The following PRKAR1B variants were observed in gnomAD, a reference collection of about 807,000 sequenced individuals.
The protein encoded by PRKAR1B is cAMP-dependent protein kinase type I-beta regulatory subunit.
A neutral mutation model predicts 46.5 loss-of-function variants in PRKAR1B; 22 were observed. The ratio of observed to expected loss-of-function variants is 0.47; its 90% CI spans 0.34 to 0.68. The LOEUF (loss-of-function observed/expected upper bound fraction) is 0.68. Among genes scored for constraint, PRKAR1B ranks in the 30% least tolerant of loss-of-function variants. The pLI is 0.01. For missense variants in PRKAR1B, 445 were observed against 535.6 expected (o/e 0.83, Z 1.67); for synonymous variants, 259 against 217.7 (o/e 1.19, Z -1.67).
rs565089827 is a variant in PRKAR1B, at chr7:578,389, G to A, written c.891+867C>T. Among the ~76,000 whole-genome samples the A allele has an allele frequency of 9.2e-5, 14 of 152,296 alleles. No homozygotes were observed. The East Asian group carries it at 1.2e-3, about 13-fold the overall frequency. ...CTGTGGTGGGGCCGTGGCGTGAGAC[G>A]GCAAAAATGACTCACACACACATCC... On this transcript the variant is annotated intron_variant, in intron 9 of 10. Transcript: ENST00000537384.
intron 4 of PRKAR1B, among the ~76,000 whole-genome samples, chr7:655,731 G>A (rs935341788): frequency 1.3e-5 from 2 of 152,208 alleles, no homozygotes; most frequent in Non-Finnish European, 1.5e-5. Flanking sequence ...TTTGTTGAAT[G>A]AATGAGTGAG....
At chr7:585,905 C>T (rs961003855) in intron 7 of PRKAR1B, among the ~76,000 whole-genome samples, 6 of 130,326 alleles carry the variant, frequency 4.6e-5, no homozygotes, top group Admixed American at 8.2e-5. Flanking sequence ...TGCAAATTCC[C>T]GTAATGCCCT....
At chr7:712,477 G>GGCGA (rs959806466) in intron 1 of PRKAR1B, 15 of 147,658 alleles carry the variant, frequency 1.0e-4, no homozygotes, top group African/African-American at 2.9e-4. Context: ...GGGGACGGCT[G>GGCGA]GCGAGCGAGC....
intron 4 of PRKAR1B, among the ~76,000 whole-genome samples, chr7:656,354 T>C (rs559137999): frequency 2.0e-5 from 3 of 152,154 alleles, no homozygotes; most frequent in African/African-American, 7.2e-5. Flanking sequence ...GGTGAATGTA[T>C]GGATGCATGA....
chr7:672,263 G>A (rs538216663), intron 4 of PRKAR1B, among the ~76,000 whole-genome samples: 5 of 152,010 alleles, frequency 3.3e-5, no homozygotes, highest in South Asian at 2.1e-4. Context: ...CAATTCTCCC[G>A]CCTCAGTCTC....
intron 4 of PRKAR1B, among the ~76,000 whole-genome samples, chr7:673,795 C>T (rs1337212150): frequency 1.3e-5 from 2 of 152,204 alleles, no homozygotes; most frequent in African/African-American, 4.8e-5. Context: ...AGAAACGTAT[C>T]GTCTCTGCAG....
chr7:692,268 C>T (rs1005342579), intron 2 of PRKAR1B, among the ~76,000 whole-genome samples: 9 of 152,192 alleles, frequency 5.9e-5, no homozygotes, highest in South Asian at 2.1e-4. Context: ...CATGTGGTGG[C>T]GCACGCCTGT....
At position 666,482 on chromosome 7, in the gene PRKAR1B, C is replaced by G. The variant is rs796097646; in HGVS notation, c.440+10747G>C. On this transcript the variant is annotated intron_variant, in intron 4 of 10. Transcript: ENST00000537384. The surrounding 1 kb of genome is among the most constrained non-coding windows in gnomAD (Gnocchi z 4.9). The stretch of plus-strand genomic sequence containing the variant: ...CAAGGTGAGAAGGCTGCACCTACCA[C>G]CACCCTGGGGCCTGCCCTGGGAGCT... 6.6e-6 allele frequency among the ~76,000 whole-genome samples: 1 copy of G among 152,214 alleles called. No individual in the cohort carries two copies. Among genetic ancestry groups the G allele is most frequent in the East Asian group, 1.9e-4 (1 of 5,194 alleles).
At position 616,963 on chromosome 7, in the gene PRKAR1B, T is replaced by A. The variant is rs561976883; in HGVS notation, c.441-9511A>T. Among the ~76,000 whole-genome samples the A allele has an allele frequency of 2.0e-5, 3 of 151,768 alleles. No individual in the cohort carries two copies. The South Asian group carries it at 6.3e-4, about 32-fold the overall frequency. ...AAAGTTTGGGGTTTTCTTGTTTATT[T>A]TAAAATCTAAACCCCAACACCCAAG... On this transcript the variant is annotated intron_variant, in intron 4 of 10. Transcript: ENST00000537384.
intron 2 of PRKAR1B, among the ~76,000 whole-genome samples, chr7:687,405 T>C (rs989080763): frequency 6.6e-6 from 1 of 151,914 alleles, no homozygotes; most frequent in Non-Finnish European, 1.5e-5. Context: ...AATGCTAGAA[T>C]CAAAAAAACA....
chr7:633,014 G>A lies in PRKAR1B; in HGVS notation c.441-25562C>T, dbSNP rs182415726. ...CAGAGGGAAGCCAGGCGCGCGGGTC[G>A]TAGTGAGATCAGCTAGATGGAGTCA... On this transcript the variant is annotated intron_variant, in intron 4 of 10. Transcript: ENST00000537384. Among the ~76,000 whole-genome samples the A allele has an allele frequency of 2.2e-3, 332 of 152,358 alleles. 1 individual carries two copies. Among genetic ancestry groups the A allele is most frequent in the African/African-American group, 7.6e-3 (316 of 41,588 alleles).
At chr7:677,660 C>A (rs1778412278) in intron 3 of PRKAR1B, among the ~76,000 whole-genome samples, 1 of 152,108 alleles carries the variant, frequency 6.6e-6, no homozygotes, top group African/African-American at 2.4e-5. Context: ...CATCTCAGCT[C>A]AAGCAATCCT....
intron 4 of PRKAR1B, among the ~76,000 whole-genome samples, chr7:648,215 T>C (rs777136513): frequency 6.6e-6 from 1 of 152,158 alleles, no homozygotes; most frequent in Non-Finnish European, 1.5e-5. Context: ...ATCTATAATG[T>C]TTCATTACAA....
chr7:569,131 T>A (rs1299283475), intron 9 of PRKAR1B, among the ~76,000 whole-genome samples: 1 of 151,208 alleles, frequency 6.6e-6, no homozygotes, highest in Middle Eastern at 3.2e-3. Context: ...ACCACACAAA[T>A]GGGACCATCC....
At chr7:645,621 G>C (rs1784584736) in intron 4 of PRKAR1B, among the ~76,000 whole-genome samples, 1 of 152,218 alleles carries the variant, frequency 6.6e-6, no homozygotes, top group South Asian at 2.1e-4. Flanking sequence ...TCACGGACAG[G>C]CTGTTTCTCT....
At chr7:571,122 G>A (rs1318747030) in intron 9 of PRKAR1B, among the ~76,000 whole-genome samples, 3 of 152,202 alleles carry the variant, frequency 2.0e-5, no homozygotes, top group African/African-American at 7.2e-5. Flanking sequence ...CCAAAAGAGC[G>A]ACAAGTAGGA....
At chr7:614,538 G>A (rs1782696775) in intron 4 of PRKAR1B, among the ~76,000 whole-genome samples, 1 of 152,098 alleles carries the variant, frequency 6.6e-6, no homozygotes, top group South Asian at 2.1e-4. Flanking sequence ...ATAAGGAGGT[G>A]AAAGGATCGC....
chr7:719,862 A>C (rs1163755590), intron 1 of PRKAR1B, among the ~76,000 whole-genome samples: 1 of 152,158 alleles, frequency 6.6e-6, no homozygotes, highest in Non-Finnish European at 1.5e-5. Flanking sequence ...ATACAAACAA[A>C]ACCACAAAAT....
In PRKAR1B at chr7:645,095, C is replaced by T. The variant is rs1486990841; in HGVS notation, c.440+32134G>A. Among the ~76,000 whole-genome samples, 3 of 152,194 alleles carry T rather than the reference C, an allele frequency of 2.0e-5. No homozygotes were observed. In the South Asian group the frequency reaches 6.2e-4, roughly 31 times the overall value. On this transcript the variant is annotated intron_variant, in intron 4 of 10. Transcript: ENST00000537384. The stretch of plus-strand genomic sequence containing the variant: ...GAGAAATCTGGCAGGGATGCCTCCT[C>T]CACCACATCCTCCCCTCACACCCCT...
Sources: gnomAD v4.1 joint callset for allele counts (sites outside exome capture counted in the v4.1 genomes callset) on GRCh38, gnomAD v4.1.1 for gene constraint, Gnocchi (gnomAD v3.1) non-coding constraint, MANE v1.5 for transcripts, NCBI Gene and HGNC (gene_info 2026-07-23, HGNC 2026-07-21) for gene names.